TEC: variants seen among roughly 807,000 people sequenced by gnomAD.
The protein encoded by TEC is tec protein tyrosine kinase, also known as tyrosine-protein kinase Tec.
TEC carries 72 observed loss-of-function variants against 93.0 expected under a neutral mutation model. That is an observed-to-expected ratio of 0.77 (90% CI 0.64 to 0.94). The LOEUF is 0.94. Ranked by LOEUF, TEC falls within the 40% of genes least tolerant of loss-of-function variation. The pLI is 0.00. For synonymous variants in TEC, 249 were observed against 247.7 expected, an observed-to-expected ratio of 1.01 and a Z score of -0.05; for missense variants, 630 against 757.9, an observed-to-expected ratio of 0.83 and a Z score of 1.98.
At chr4:48,209,420 A>G (rs187327680) in intron 2 of TEC, among the ~76,000 whole-genome samples, 16 of 151,252 alleles carry the variant, frequency 1.1e-4, no homozygotes, top group African/African-American at 3.4e-4. Flanking sequence ...CTGGCAACAT[A>G]GAGAGAGCTC....
intron 15 of TEC, among the ~76,000 whole-genome samples, chr4:48,140,951 T>C (rs1240744129): frequency 6.6e-6 from 1 of 152,122 alleles, no homozygotes; most frequent in Non-Finnish European, 1.5e-5. Flanking sequence ...CCTGATTTTT[T>C]ATGGGTGGAT....
chr4:48,145,671 C>T, intron 12 of TEC, 92 bp from the exon 13 acceptor site: 2 of 1,368,182 alleles, frequency 1.5e-6, no homozygotes, highest in Admixed American at 1.9e-5. Flanking sequence ...CCAAGATCAA[C>T]CTCAAAATTA....
chr4:48,140,800 A>G (rs751512052), intron 15 of TEC, among the ~76,000 whole-genome samples: 2 of 152,174 alleles, frequency 1.3e-5, no homozygotes, highest in Non-Finnish European at 2.9e-5. Context: ...GTTTACCAGT[A>G]TCGACCATGC....
intron 1 of TEC, among the ~76,000 whole-genome samples, chr4:48,251,857 T>C (rs1361747781): frequency 2.6e-5 from 4 of 152,158 alleles, no homozygotes; most frequent in African/African-American, 9.7e-5. Context: ...AATAAGACTA[T>C]GGGTTTTACA....
At chr4:48,253,572 CTT>C (rs34702593) in intron 1 of TEC, among the ~76,000 whole-genome samples, 9 of 131,868 alleles carry the variant, frequency 6.8e-5, no homozygotes, top group Non-Finnish European at 7.9e-5. Flanking sequence ...ATGTCCAATT[CTT>C]TTTTTTTTTT....
intron 9 of TEC, among the ~76,000 whole-genome samples, chr4:48,156,420 A>G (rs974784302): frequency 4.6e-5 from 7 of 152,188 alleles, no homozygotes; most frequent in African/African-American, 1.4e-4. Context: ...TAATGTCCAG[A>G]GGGCAGGTGT....
chr4:48,220,111 C>T (rs1231054960), intron 2 of TEC, among the ~76,000 whole-genome samples: 1 of 151,128 alleles, frequency 6.6e-6, no homozygotes. Context: ...CTAAATTTAT[C>T]CTAGAGATGG....
intron 2 of TEC, among the ~76,000 whole-genome samples, chr4:48,179,635 C>A (rs1482153894): frequency 6.6e-6 from 1 of 151,530 alleles, no homozygotes; most frequent in Non-Finnish European, 1.5e-5. Flanking sequence ...GTAATCCACC[C>A]ACCTCGGCCT....
chr4:48,164,596 G>A (rs1033386588), intron 7 of TEC, among the ~76,000 whole-genome samples: 1 of 152,066 alleles, frequency 6.6e-6, no homozygotes, highest in Non-Finnish European at 1.5e-5. Flanking sequence ...TAGCTCTGTT[G>A]CACTGAGAAA....
rs578094754 is a variant in TEC at position 48,205,510 on chromosome 4, T to C, written c.138+22967A>G. 3.3e-4 allele frequency among the ~76,000 whole-genome samples: 51 copies of C among 152,320 alleles called. No homozygotes were observed. In the South Asian group the frequency reaches 9.7e-3, roughly 29 times the overall value. ...CTATTATTAGCACATCACTGTCCCC[T>C]GCATTTTAAAAATCAAATAAAGAGG... is the stretch of plus-strand genomic sequence containing the variant. On this transcript the variant is annotated intron_variant, in intron 2 of 17. Coordinates refer to ENST00000381501, the MANE Select transcript of TEC (RefSeq NM_003215.3).
chr4:48,218,158 T>G (rs914588451), intron 2 of TEC, among the ~76,000 whole-genome samples: 2 of 151,946 alleles, frequency 1.3e-5, no homozygotes, highest in African/African-American at 4.8e-5. Context: ...GAAAGGAAAT[T>G]GAGACACAAA....
chr4:48,219,889 CTT>C (rs1191553018), intron 2 of TEC, among the ~76,000 whole-genome samples: 1 of 152,068 alleles, frequency 6.6e-6, no homozygotes, highest in Non-Finnish European at 1.5e-5. Flanking sequence ...ATTACAATCT[CTT>C]GTCTCCACAC....
chr4:48,171,639 T>C (rs1035568672), intron 3 of TEC, among the ~76,000 whole-genome samples, 190 bp from the exon 4 acceptor site: 3 of 152,172 alleles, frequency 2.0e-5, no homozygotes, highest in Non-Finnish European at 2.9e-5. Context: ...CTACATTAAG[T>C]AGAATACACG....
intron 4 of TEC, among the ~76,000 whole-genome samples, chr4:48,171,164 C>G (rs1184813854): frequency 6.6e-6 from 1 of 152,100 alleles, no homozygotes; most frequent in African/African-American, 2.4e-5. Flanking sequence ...CTATATGCTA[C>G]TAGAAAAAAA....
intron 2 of TEC, among the ~76,000 whole-genome samples, chr4:48,209,053 G>C (rs1722807325): frequency 6.6e-6 from 1 of 152,012 alleles, no homozygotes; most frequent in Admixed American, 6.5e-5. Flanking sequence ...AAAATTTAAG[G>C]TTACTGGGTA....
In TEC at chr4:48,144,935, C is replaced by A. The variant is rs1719840586; in HGVS notation, c.1470+144G>T. ...AGATCTTTCGTTTAAAATTACAGGGCAAGTTAAATTTACCAACTTTAAAAA... is the reference window on the plus strand; with the variant it reads ...AGATCTTTCGTTTAAAATTACAGGGAAAGTTAAATTTACCAACTTTAAAAA... On this transcript the variant is annotated intron_variant, in intron 14 of 17. Transcript: ENST00000381501. 4.4e-6 allele frequency: 3 copies of A among 681,664 alleles called. No individual in the cohort carries two copies. The African/African-American group carries it at 5.4e-5, about 12-fold the overall frequency. 42.2% of individuals were successfully genotyped at this position (681,664 alleles called of 1,614,324 possible).
intron 2 of TEC, among the ~76,000 whole-genome samples, chr4:48,217,479 C>G (rs1200781997): frequency 1.3e-5 from 2 of 152,184 alleles, no homozygotes; most frequent in Non-Finnish European, 2.9e-5. Flanking sequence ...CCTTCAGCTC[C>G]TAATGATAAC....
chr4:48,249,253 T>C (rs1347681079), intron 1 of TEC, among the ~76,000 whole-genome samples: 1 of 152,226 alleles, frequency 6.6e-6, no homozygotes, highest in African/African-American at 2.4e-5. Flanking sequence ...AAATAAAGCC[T>C]TAGTAAAGGC....
At chr4:48,218,398 G>A (rs2704413) in intron 2 of TEC, among the ~76,000 whole-genome samples, 8,192 of 152,174 alleles carry the variant, frequency 0.054, 756 homozygotes, top group African/African-American at 0.19. Context: ...ACCTCCTTAT[G>A]TGTCAGGACC....
Sources: allele counts gnomAD v4.1 joint callset (sites outside exome capture counted in the v4.1 genomes callset), GRCh38; gene constraint gnomAD v4.1.1; transcripts MANE v1.5; gene names NCBI Gene and HGNC (gene_info 2026-07-23, HGNC 2026-07-21).